Variants in TMEFF2 observed in about 807,000 individuals in gnomAD.
TMEFF2 encodes the protein transmembrane protein with EGF like and two follistatin like domains 2, also known as tomoregulin-2.
A neutral mutation model predicts 53.8 loss-of-function variants in TMEFF2; 28 were observed. The ratio of observed to expected loss-of-function variants is 0.52; its 90% CI spans 0.39 to 0.71. The LOEUF is 0.71. Among genes scored for constraint, TMEFF2 ranks in the 30% least tolerant of loss-of-function variants. TMEFF2 has a pLI of 0.00. For missense variants in TMEFF2, 353 were observed against 455.2 expected (o/e 0.78, Z 2.04); for synonymous variants, 162 against 166.3 (o/e 0.97, Z 0.20).
intron 4 of TMEFF2, among the ~76,000 whole-genome samples, chr2:192,085,370 AAACAAGG>A (rs1212821842): frequency 6.6e-6 from 1 of 152,134 alleles, no homozygotes; most frequent in African/African-American, 2.4e-5. Flanking sequence ...AAAATGAGAT[AAACAAGG>A]TATCAGGGCT....
At chr2:192,044,002 G>A (rs1372476258) in intron 5 of TMEFF2, 2 of 152,148 alleles carry the variant, frequency 1.3e-5, no homozygotes, top group East Asian at 3.9e-4. Flanking sequence ...TTCATTGCTC[G>A]AGCAAGTTAA....
At chr2:192,143,256 T>C (rs977350973) in intron 4 of TMEFF2, among the ~76,000 whole-genome samples, 1 of 152,150 alleles carries the variant, frequency 6.6e-6, no homozygotes, top group Non-Finnish European at 1.5e-5. Context: ...GTTTATCTAA[T>C]TTAATGTTAG....
chr2:192,140,629 A>G (rs949880574), intron 4 of TMEFF2, among the ~76,000 whole-genome samples: 2 of 152,196 alleles, frequency 1.3e-5, no homozygotes, highest in Non-Finnish European at 2.9e-5. Context: ...GTTCACCATG[A>G]TAAGAGAATG....
intron 4 of TMEFF2, among the ~76,000 whole-genome samples, chr2:192,085,971 A>C (rs1305601409): frequency 2.0e-5 from 3 of 152,168 alleles, no homozygotes; most frequent in Admixed American, 2.0e-4. Flanking sequence ...ATCTTTAGTA[A>C]ATCCTTACCT....
At chr2:192,112,411 C>T (rs1408093409) in intron 4 of TMEFF2, among the ~76,000 whole-genome samples, 1 of 152,132 alleles carries the variant, frequency 6.6e-6, no homozygotes, top group Non-Finnish European at 1.5e-5. Flanking sequence ...GGGCCTGTAC[C>T]CCCTTTGTTT....
At chr2:192,102,307 C>T (rs1277383366) in intron 4 of TMEFF2, among the ~76,000 whole-genome samples, 1 of 152,192 alleles carries the variant, frequency 6.6e-6, no homozygotes, top group Non-Finnish European at 1.5e-5. Flanking sequence ...CACCAGCACA[C>T]AGATCACGTA....
intron 4 of TMEFF2, among the ~76,000 whole-genome samples, chr2:192,068,403 A>G (rs1247824425): frequency 3.3e-5 from 5 of 151,892 alleles, no homozygotes; most frequent in Non-Finnish European, 7.4e-5. Flanking sequence ...CAGCATAACA[A>G]AAACAGATAA....
chr2:192,047,944 C>A (rs1574324477), intron 5 of TMEFF2, among the ~76,000 whole-genome samples: 1 of 152,120 alleles, frequency 6.6e-6, no homozygotes, highest in Admixed American at 6.5e-5. Context: ...ATTTAATACA[C>A]CTTTGGGAGG....
intron 4 of TMEFF2, among the ~76,000 whole-genome samples, chr2:192,176,240 G>A (rs1691039647): frequency 6.6e-6 from 1 of 151,336 alleles, no homozygotes; most frequent in Non-Finnish European, 1.5e-5. Context: ...ACAATTCACA[G>A]TTGTAGTTTA....
chr2:192,167,736 T>C (rs186120187), intron 4 of TMEFF2, among the ~76,000 whole-genome samples: 1 of 152,298 alleles, frequency 6.6e-6, no homozygotes, highest in African/African-American at 2.4e-5. Flanking sequence ...GTAGGAGATC[T>C]GGCTTGAAGT....
intron 4 of TMEFF2, among the ~76,000 whole-genome samples, chr2:192,145,400 T>C (rs957661445): frequency 2.5e-4 from 38 of 151,992 alleles, no homozygotes; most frequent in Non-Finnish European, 5.0e-4. Context: ...TATAGAAGTA[T>C]ATGGTAACAC....
chr2:192,092,795 G>C (rs930335156), intron 4 of TMEFF2, among the ~76,000 whole-genome samples: 3 of 152,066 alleles, frequency 2.0e-5, no homozygotes, highest in Non-Finnish European at 4.4e-5. Flanking sequence ...TTGGGATGAA[G>C]GGCTATGAAC....
chr2:192,135,586 C>T (rs1254974922), intron 4 of TMEFF2, among the ~76,000 whole-genome samples: 1 of 152,100 alleles, frequency 6.6e-6, no homozygotes, highest in Non-Finnish European at 1.5e-5. Flanking sequence ...GAAACATCGT[C>T]CATTCTCTCT....
At chr2:191,998,141 G>A (rs532591071) in intron 7 of TMEFF2, 121 bp downstream of exon 7, 4 of 731,424 alleles carry the variant, frequency 5.5e-6, no homozygotes, top group East Asian at 6.0e-5. Context: ...CTAAGCAAGA[G>A]AAGGCTAGCA....
At chr2:191,955,153 G>C in intron 8 of TMEFF2, among the ~76,000 whole-genome samples, 1 of 74,272 alleles carries the variant, frequency 1.3e-5, no homozygotes, top group South Asian at 8.5e-4. Context: ...AGGGGGGAGG[G>C]AGGAAGAGTG....
At chr2:192,029,107 C>T (rs886788227) in intron 5 of TMEFF2, 11 of 17,146 alleles carry the variant, frequency 6.4e-4, no homozygotes, top group African/African-American at 1.4e-3. Flanking sequence ...CTCTGGCATC[C>T]ACCTCTTCTC....
At chr2:192,053,941 A>G (rs1162084348) in intron 5 of TMEFF2, among the ~76,000 whole-genome samples, 1 of 152,196 alleles carries the variant, frequency 6.6e-6, no homozygotes, top group Non-Finnish European at 1.5e-5. Flanking sequence ...AGGTATGTAA[A>G]TGAAAATCAA....
At chr2:192,064,149 G>A (rs1462389410) in intron 4 of TMEFF2, among the ~76,000 whole-genome samples, 2 of 151,560 alleles carry the variant, frequency 1.3e-5, no homozygotes, top group Admixed American at 6.6e-5. Context: ...TTAGGTATAT[G>A]TTTTACCTTA....
intron 4 of TMEFF2, among the ~76,000 whole-genome samples, chr2:192,114,525 T>A (rs1052675951): frequency 1.3e-5 from 2 of 148,904 alleles, no homozygotes; most frequent in Non-Finnish European, 3.0e-5. Context: ...TGTTTACAGA[T>A]GACATAATCC....
Sources: allele counts gnomAD v4.1 joint callset (sites outside exome capture counted in the v4.1 genomes callset), GRCh38; gene constraint gnomAD v4.1.1; transcripts MANE v1.5; gene names NCBI Gene and HGNC (gene_info 2026-07-23, HGNC 2026-07-21).